The following ARHGAP4 variants were observed in gnomAD, a reference collection of about 807,000 sequenced individuals.
The protein encoded by ARHGAP4 is Rho GTPase activating protein 4, also known as rho GTPase-activating protein 4.
A neutral mutation model predicts 67.6 loss-of-function variants in ARHGAP4; 25 were observed. That is an observed-to-expected ratio of 0.37 (90% confidence interval 0.27 to 0.52). The LOEUF is 0.52. Among genes scored for constraint, ARHGAP4 ranks in the 20% least tolerant of loss-of-function variants. ARHGAP4 has a pLI of 0.92. For missense variants in ARHGAP4, 804 were observed against 854.6 expected, an observed-to-expected ratio of 0.94 and a Z score of 0.74; for synonymous variants, 448 against 373.7, an observed-to-expected ratio of 1.20 and a Z score of -2.29.
chrX:153,913,405 C>T lies in ARHGAP4; in HGVS notation c.1326+4G>A. The T allele has an allele frequency of 8.3e-7, 1 of 1,208,982 alleles. No individual in the cohort carries two copies. Among genetic ancestry groups the T allele is most frequent in the Non-Finnish European group, 1.1e-6 (1 of 893,516 alleles). On this transcript the variant is annotated splice_donor_region_variant and intron_variant, in intron 9 of 21. Transcript: ENST00000350060. ...GTCCCGCCCACCAGCCCAGCCCTCC[C>T]CACCGTGAGGTAGAAGGTTTCGGTC...
Position 153,921,153 on chromosome X carries a change from C to A in ARHGAP4, c.442G>T (p.Asp148Tyr). The A allele has an allele frequency of 8.3e-7, 1 of 1,201,039 alleles. No homozygotes were observed. Residue 148 changes from aspartate (D) to tyrosine (Y), a missense_variant, in exon 4 of 22, where the codon GAT (aspartate) becomes TAT (tyrosine). Asp to Tyr is a radical substitution (Grantham distance 160, BLOSUM62 -3). This residue lies in a region of ARHGAP4 where 404 missense variants were observed against 505.9 expected (regional missense o/e 0.80). Transcript: ENST00000350060. The part of the protein sequence containing the change: ...DVGRLVKKSR[D>Y]LEQQLQDELL... ...TCATCCTGCAGCTGCTGCTCCAGAT[C>A]CCTGCTCTAGAGGCAGAGGCAAGGG...
intron 7 of ARHGAP4, among the ~76,000 whole-genome samples, chrX:153,916,074 C>T (rs1424653069): frequency 2.7e-5 from 3 of 111,600 alleles, no homozygotes; most frequent in Non-Finnish European, 5.7e-5. Flanking sequence ...CCTTGATGGG[C>T]GAAGACAGAA....
chrX:153,909,983 G>T, intron 18 of ARHGAP4, 29 bp downstream of exon 18: 2 of 1,210,433 alleles, frequency 1.7e-6, no homozygotes, highest in Non-Finnish European at 2.2e-6. Context: ...GGTGGGGACA[G>T]GGTGGGGCTC....
rs1289281495 is a variant in ARHGAP4, at chrX:153,921,947, T to C, written c.68-138A>G. 3.4e-6 allele frequency: 3 copies of C among 873,156 alleles called. No homozygotes were observed. The East Asian group carries it at 1.0e-4, about 30-fold the overall frequency. 72.0% of individuals were successfully genotyped at this position (873,156 alleles called of 1,213,427 possible). On this transcript the variant is annotated intron_variant, in intron 1 of 21. Coordinates refer to ENST00000350060, the MANE Select transcript of ARHGAP4 (RefSeq NM_001666.5). Reference sequence around the variant, plus strand: ...GGGCTCCTTCGGACCCAGCCTAGGCTGAGGGCAAGAGCTAAGAGGGGAGGA... The same window carrying C: ...GGGCTCCTTCGGACCCAGCCTAGGCCGAGGGCAAGAGCTAAGAGGGGAGGA...
At chrX:153,922,693 C>A (rs1479403923) in intron 1 of ARHGAP4, among the ~76,000 whole-genome samples, 1 of 112,387 alleles carries the variant, frequency 8.9e-6, no homozygotes, top group African/African-American at 3.2e-5. Context: ...CAGCTTCTGG[C>A]CAGCAGGCTG....
intron 10 of ARHGAP4, 21 bp from the exon 11 acceptor site, chrX:153,913,072 G>A: frequency 8.4e-7 from 1 of 1,186,983 alleles, no homozygotes; most frequent in Non-Finnish European, 1.1e-6. Context: ...GGAGAACATT[G>A]GTCTGCCTCT....
chrX:153,924,054 C>T (rs1336075134), intron 1 of ARHGAP4, among the ~76,000 whole-genome samples: 2 of 112,133 alleles, frequency 1.8e-5, no homozygotes, highest in Non-Finnish European at 3.8e-5. Flanking sequence ...GCTGGGATTA[C>T]AGACGTGAGC....
At chrX:153,921,034 CCACTGTGAGTGGCATTTCT>C (rs1424963484) in intron 4 of ARHGAP4, 44 bp downstream of exon 4, 1 of 1,144,279 alleles carries the variant, frequency 8.7e-7, no homozygotes, top group African/African-American at 1.8e-5. Flanking sequence ...TGTTCCTCCC[CCACTGTGAGTGGCATTTCT>C]CCCTGGACCA....
chrX:153,921,620 T>G lies in ARHGAP4; in HGVS notation c.257A>C (p.Glu86Ala). Residue 86 changes from glutamate to alanine, a missense_variant, in exon 2 of 22, where the codon GAG becomes GCG. Physicochemically the swap from Glu to Ala is moderately radical, Grantham distance 107 (BLOSUM62 -1). This residue lies in a region of ARHGAP4 where 404 missense variants were observed against 505.9 expected (regional missense o/e 0.80). Coordinates refer to ENST00000350060, the MANE Select transcript of ARHGAP4 (RefSeq NM_001666.5). ...SRGGRLGSSREHQSFRKEPSL... is the reference protein window; with the variant it reads ...SRGGRLGSSRAHQSFRKEPSL... ...CATCACCTACCGGAAGCTTTGGTGC[T>G]CCCGGCTGCTCCCCAGGCGGCCTCC... The G allele has an allele frequency of 2.5e-6, 3 of 1,208,803 alleles. No individual in the cohort carries two copies. Among genetic ancestry groups the G allele is most frequent in the Non-Finnish European group, 3.4e-6 (3 of 894,500 alleles).
At chrX:153,913,962 A>T in intron 7 of ARHGAP4, 83 bp from the exon 8 acceptor site, 1 of 917,621 alleles carries the variant, frequency 1.1e-6, no homozygotes, top group Non-Finnish European at 1.5e-6. Flanking sequence ...GGAAGCAAGC[A>T]CCCTTTTGTG....
In ARHGAP4 at chrX:153,920,980, GCTTCTCC is replaced by G; in HGVS notation, c.498+110_498+116del. On this transcript the variant is annotated intron_variant, in intron 4 of 21. Transcript: ENST00000350060. ...GAGAGGCCTTTGCCCCTAGGTGCGTGCTTCTCCCTGAGCCTGGCTTGGGGTGATGTGA... is the reference window on the plus strand; with the variant it reads ...GAGAGGCCTTTGCCCCTAGGTGCGTGCTGAGCCTGGCTTGGGGTGATGTGA... The G allele has an allele frequency of 2.9e-6, 3 of 1,031,056 alleles. No homozygotes were observed. The Admixed American group carries it at 8.0e-5, about 27-fold the overall frequency. 85.0% of individuals were successfully genotyped at this position (1,031,056 alleles called of 1,213,427 possible).
At chrX:153,910,106 A>T in intron 17 of ARHGAP4, 21 bp from the exon 18 acceptor site, 1 of 1,210,602 alleles carries the variant, frequency 8.3e-7, no homozygotes, top group Non-Finnish European at 1.1e-6. Flanking sequence ...GGGCAGAGCG[A>T]GGCAGATGAG....
Position 153,909,743 on chromosome X carries a change from G to T in ARHGAP4, c.2412C>A (p.Ala804=), listed in dbSNP as rs782163114. Residue 804 remains alanine, a splice_region_variant and synonymous_variant, in exon 19 of 22, where the codon GCC becomes GCA. Transcript: ENST00000350060. ...LIPHKYITLP[A]GTEKQVVGAG... is the part of the protein sequence containing the mutation. ...GCCTGAGGGCGCGGCTCACTCACCCGGCGGGCAGCGTGATATACTTGTGGG... is the reference window on the plus strand; with the variant it reads ...GCCTGAGGGCGCGGCTCACTCACCCTGCGGGCAGCGTGATATACTTGTGGG... 1.4e-5 allele frequency: 17 copies of T among 1,186,079 alleles called. No homozygotes were observed. The highest frequency in any genetic ancestry group is 1.9e-5 in the Non-Finnish European group (17 of 883,424).
At chrX:153,910,888 A>AG (rs1557103081) in intron 14 of ARHGAP4, 34 bp downstream of exon 14, 5 of 1,027,677 alleles carry the variant, frequency 4.9e-6, no homozygotes, top group Admixed American at 2.6e-5. Flanking sequence ...CATCTGCCCG[A>AG]GCCCCCACCC....
At chrX:153,917,221 AT>A (rs1557104369) in intron 7 of ARHGAP4, among the ~76,000 whole-genome samples, 1 of 110,200 alleles carries the variant, frequency 9.1e-6, no homozygotes, top group East Asian at 2.8e-4. Context: ...GTCTCAAAAA[AT>A]AAATAAATAA....
intron 7 of ARHGAP4, among the ~76,000 whole-genome samples, chrX:153,917,562 C>T (rs1557104406): frequency 8.9e-6 from 1 of 111,944 alleles, no homozygotes; most frequent in African/African-American, 3.2e-5. Context: ...TTGAGACCAG[C>T]CTGGGCAACA....
intron 1 of ARHGAP4, among the ~76,000 whole-genome samples, chrX:153,924,422 G>A (rs1398651487): frequency 1.8e-5 from 2 of 111,407 alleles, no homozygotes; most frequent in Non-Finnish European, 1.9e-5. Flanking sequence ...AGACAAACTC[G>A]TCAGCACACC....
intron 1 of ARHGAP4, among the ~76,000 whole-genome samples, chrX:153,924,477 C>T (rs1038394153): frequency 8.9e-6 from 1 of 111,902 alleles, no homozygotes; most frequent in Non-Finnish European, 1.9e-5. Context: ...TCTTCCGACC[C>T]CTTCTTGGCA....
At position 153,918,885 on chromosome X, in the gene ARHGAP4, T is replaced by G; in HGVS notation, c.979A>C (p.Thr327Pro). 2 of 1,212,108 alleles carry G rather than the reference T, an allele frequency of 1.7e-6. No homozygotes were observed. Among genetic ancestry groups the G allele is most frequent in the Non-Finnish European group, 2.2e-6 (2 of 895,574 alleles). Residue 327 changes from threonine to proline, a missense_variant, in exon 7 of 22, where the codon ACC (threonine) becomes CCC (proline). Coordinates refer to ENST00000350060, the MANE Select transcript of ARHGAP4 (RefSeq NM_001666.5). ...AAGCGCAGCGGGGGACAGAAGACGG[T>G]AGCATGCACCTCGAGAACCTTGGCT... Reference protein sequence around the residue: ...DKAKVLEVHATVFCPPLRFDY... With the variant: ...DKAKVLEVHAPVFCPPLRFDY...
Sources: gnomAD v4.1 joint callset for allele counts (sites outside exome capture counted in the v4.1 genomes callset) on GRCh38, gnomAD v4.1.1 for gene constraint, gnomAD v4.1.1 regional missense constraint, MANE v1.5 for transcripts, NCBI Gene and HGNC (gene_info 2026-07-23, HGNC 2026-07-21) for gene names.